CTNNBL1: variants seen among roughly 807,000 people sequenced by gnomAD.
CTNNBL1 encodes the protein beta-catenin-like protein 1.
A neutral mutation model predicts 72.7 loss-of-function variants in CTNNBL1; 31 were observed. The ratio of observed to expected loss-of-function variants is 0.43; its 90% CI spans 0.32 to 0.58. The LOEUF is 0.58. CTNNBL1 is among the 20% of genes least tolerant of loss of function. The pLI, the probability that CTNNBL1 is intolerant of heterozygous loss-of-function variation, is 0.08. For synonymous variants in CTNNBL1, 240 were observed against 267.3 expected, an observed-to-expected ratio of 0.90 and a Z score of 1.00; for missense variants, 534 against 725.1, an observed-to-expected ratio of 0.74 and a Z score of 3.03.
intron 15 of CTNNBL1, among the ~76,000 whole-genome samples, chr20:37,866,424 C>T (rs1158011213): frequency 6.6e-6 from 1 of 152,192 alleles, no homozygotes; most frequent in Non-Finnish European, 1.5e-5. Context: ...TGTCTGACCT[C>T]AGGCAGCTCT....
chr20:37,845,037 T>C (rs1600524745), intron 13 of CTNNBL1, among the ~76,000 whole-genome samples: 2 of 152,188 alleles, frequency 1.3e-5, no homozygotes, highest in Non-Finnish European at 2.9e-5. Flanking sequence ...AAGTAGAAGC[T>C]CCCGCCGCTG....
intron 1 of CTNNBL1, among the ~76,000 whole-genome samples, chr20:37,697,946 A>G (rs751341343): frequency 2.5e-4 from 38 of 152,342 alleles, no homozygotes; most frequent in Non-Finnish European, 4.9e-4. Context: ...TGTTATTCCA[A>G]AAGTATTTCA....
intron 10 of CTNNBL1, among the ~76,000 whole-genome samples, chr20:37,782,333 AAAC>A (rs2073633428): frequency 6.6e-6 from 1 of 152,200 alleles, no homozygotes; most frequent in Non-Finnish European, 1.5e-5. Context: ...GAAAGATCAC[AAAC>A]AAGATACTCA....
In CTNNBL1 at chr20:37,694,133, G is replaced by A. The variant is rs1489309076; in HGVS notation, c.11G>A (p.Gly4Asp). The A allele has an allele frequency of 6.2e-7, 1 of 1,603,094 alleles. No homozygotes were observed. The highest frequency in any genetic ancestry group is 8.5e-7 in the Non-Finnish European group (1 of 1,175,434). The change falls in exon 1 of 16, where the codon GGC (glycine) becomes GAC (aspartate). Residue 4 changes from glycine to aspartate, a missense_variant. Physicochemically the swap from Gly to Asp is moderately conservative, Grantham distance 94 (BLOSUM62 -1). Transcript: ENST00000361383. ...GCTGGGCCGGGTACCATGGACGTGGGCGAACTTCTGAGCTACCAGGTATGA... is the reference window on the plus strand; with the variant it reads ...GCTGGGCCGGGTACCATGGACGTGGACGAACTTCTGAGCTACCAGGTATGA... MDVGELLSYQPNRG... is the reference protein window; with the variant it reads MDVDELLSYQPNRG...
At chr20:37,830,962 A>G (rs1217933932) in intron 11 of CTNNBL1, among the ~76,000 whole-genome samples, 1 of 152,242 alleles carries the variant, frequency 6.6e-6, no homozygotes, top group Non-Finnish European at 1.5e-5. Flanking sequence ...AAATAAGTCA[A>G]GCCATCATAA....
At chr20:37,865,258 G>A (rs1048092767) in intron 15 of CTNNBL1, among the ~76,000 whole-genome samples, 6 of 152,176 alleles carry the variant, frequency 3.9e-5, no homozygotes, top group Admixed American at 6.5e-5. Context: ...TGACCATAGC[G>A]CAAAGCAGAA....
intron 11 of CTNNBL1, among the ~76,000 whole-genome samples, chr20:37,823,521 T>C (rs2072129991): frequency 6.6e-6 from 1 of 152,112 alleles, no homozygotes; most frequent in Non-Finnish European, 1.5e-5. Flanking sequence ...TGCTGCTTAA[T>C]GTGGGAAGAA....
chr20:37,805,863 C>T (rs184333776), intron 11 of CTNNBL1, among the ~76,000 whole-genome samples: 31 of 152,288 alleles, frequency 2.0e-4, no homozygotes, highest in African/African-American at 6.7e-4. Flanking sequence ...TGCCTGGTCC[C>T]GTGGTGCTTG....
intron 4 of CTNNBL1, chr20:37,750,609 G>A (rs2073310580): frequency 6.6e-6 from 1 of 152,042 alleles, no homozygotes; most frequent in African/African-American, 2.4e-5. Flanking sequence ...TTGGCCCAAA[G>A]GAACAAGGAG....
intron 15 of CTNNBL1, among the ~76,000 whole-genome samples, chr20:37,862,009 C>T (rs933431131): frequency 6.6e-6 from 1 of 152,120 alleles, no homozygotes; most frequent in African/African-American, 2.4e-5. Flanking sequence ...GTCTGCTCAG[C>T]CCTCCCCATC....
chr20:37,838,696 T>G (rs982266826), intron 11 of CTNNBL1, among the ~76,000 whole-genome samples: 1 of 152,194 alleles, frequency 6.6e-6, no homozygotes, highest in Non-Finnish European at 1.5e-5. Flanking sequence ...AACACCAACC[T>G]GGGTAACATG....
intron 10 of CTNNBL1, among the ~76,000 whole-genome samples, chr20:37,789,874 C>T (rs1029742916): frequency 2.0e-5 from 3 of 152,114 alleles, no homozygotes; most frequent in African/African-American, 7.2e-5. Context: ...GCTGTAAAAC[C>T]CTGTTCCAGT....
intron 1 of CTNNBL1, 76 bp downstream of exon 1, chr20:37,694,228 T>G: frequency 7.6e-7 from 1 of 1,312,152 alleles, no homozygotes; most frequent in Middle Eastern, 1.9e-4. Context: ...CCCTTTCATC[T>G]CACCTCCTCT....
At chr20:37,760,792 A>G (rs1363845679) in intron 5 of CTNNBL1, among the ~76,000 whole-genome samples, 1 of 152,248 alleles carries the variant, frequency 6.6e-6, no homozygotes, top group East Asian at 1.9e-4. Flanking sequence ...CCTGGCAGAT[A>G]TTAAGCATTT....
At chr20:37,820,158 T>C (rs2072093567) in intron 11 of CTNNBL1, among the ~76,000 whole-genome samples, 1 of 152,158 alleles carries the variant, frequency 6.6e-6, no homozygotes, top group South Asian at 2.1e-4. Context: ...ATTACAGGCA[T>C]GAGCCACCGC....
intron 1 of CTNNBL1, among the ~76,000 whole-genome samples, chr20:37,730,992 T>G (rs1465400801): frequency 6.6e-6 from 1 of 152,124 alleles, no homozygotes; most frequent in African/African-American, 2.4e-5. Flanking sequence ...TTTAAAAAAC[T>G]TTTATTTTTA....
intron 11 of CTNNBL1, among the ~76,000 whole-genome samples, chr20:37,835,113 C>T (rs919426828): frequency 6.6e-6 from 1 of 152,172 alleles, no homozygotes; most frequent in African/African-American, 2.4e-5. Flanking sequence ...CAAGAAAAAG[C>T]AGTACAAGTG....
At chr20:37,797,949 T>C (rs1272813291) in intron 10 of CTNNBL1, among the ~76,000 whole-genome samples, 1 of 152,216 alleles carries the variant, frequency 6.6e-6, no homozygotes, top group Non-Finnish European at 1.5e-5. Flanking sequence ...AAACATCCCC[T>C]GCAGCTTGGT....
At chr20:37,701,379 G>C (rs1490086847) in intron 1 of CTNNBL1, among the ~76,000 whole-genome samples, 6 of 152,140 alleles carry the variant, frequency 3.9e-5, no homozygotes, top group Admixed American at 6.5e-5. Context: ...TTTACCATGT[G>C]CCATCTCCTG....
Sources: allele counts gnomAD v4.1 joint callset (sites outside exome capture counted in the v4.1 genomes callset), GRCh38; gene constraint gnomAD v4.1.1; transcripts MANE v1.5; gene names NCBI Gene and HGNC (gene_info 2026-07-23, HGNC 2026-07-21).